ARHGAP8: variants seen among roughly 807,000 people sequenced by gnomAD.
The protein encoded by ARHGAP8 is Rho GTPase activating protein 8.
Under a neutral mutation model 46.1 loss-of-function variants are expected in ARHGAP8, and 62 were observed. The ratio of observed to expected loss-of-function variants is 1.34; its 90% CI spans 1.10 to 1.66. The LOEUF (loss-of-function observed/expected upper bound fraction) is 1.66. ARHGAP8 is among the 40% of genes most tolerant of loss of function. The pLI is 0.00. For missense variants in ARHGAP8, 923 were observed against 568.4 expected (o/e 1.62, Z -6.34); for synonymous variants, 375 against 243.1 (o/e 1.54, Z -5.05).
At position 44,827,336 on chromosome 22, in the gene ARHGAP8, G is replaced by GTTTTTTTTTTTTTTTTTTT. The variant is rs796490147; in HGVS notation, c.596+1751_596+1769dup. 1.2e-3 allele frequency among the ~76,000 whole-genome samples: 80 copies of GTTTTTTTTTTTTTTTTTTT among 67,266 alleles called. 17 individuals are homozygous for GTTTTTTTTTTTTTTTTTTT. The highest frequency in any genetic ancestry group is 1.5e-3 in the Non-Finnish European group (59 of 38,954). The allele number at this position is 67,266 out of a possible 152,430, so 44.1% of individuals were successfully genotyped here. A position where few individuals can be genotyped will look rare whatever the true frequency, so the allele number is the denominator to read the frequency against. The stretch of plus-strand genomic sequence containing the variant: ...GGTGAGATAATACATTTGGGTGGTG[G>GTTTTTTTTTTTTTTTTTTT]TTTTTTTTTTTTTTTTTTTTTTTTT... On this transcript the variant is annotated intron_variant, in intron 7 of 11. Transcript: ENST00000356099.
At chr22:44,823,452 G>C (rs1162835018) in intron 6 of ARHGAP8, among the ~76,000 whole-genome samples, 1 of 152,148 alleles carries the variant, frequency 6.6e-6, no homozygotes, top group Non-Finnish European at 1.5e-5. Context: ...TGGGAGATCT[G>C]GAGGCAGTGA....
chr22:44,831,287 T>C (rs4823390), intron 7 of ARHGAP8, among the ~76,000 whole-genome samples: 30,592 of 152,178 alleles, frequency 0.2, 4,183 homozygotes, highest in East Asian at 0.73. Flanking sequence ...CCAAGAGTTT[T>C]ACCACTTAGG....
chr22:44,840,702 C>T (rs528889889), intron 7 of ARHGAP8, among the ~76,000 whole-genome samples: 1 of 152,286 alleles, frequency 6.6e-6, no homozygotes, highest in African/African-American at 2.4e-5. Context: ...TGATTTTTGT[C>T]AGTGCCGTTG....
chr22:44,852,004 A>G (rs2070106293), intron 10 of ARHGAP8, among the ~76,000 whole-genome samples: 2 of 151,984 alleles, frequency 1.3e-5, no homozygotes, highest in Non-Finnish European at 1.5e-5. Context: ...CAGCCTGGCC[A>G]ACATGGTGAA....
chr22:44,846,301 C>T (rs1441237948), intron 8 of ARHGAP8, among the ~76,000 whole-genome samples: 2 of 152,244 alleles, frequency 1.3e-5, no homozygotes, highest in Non-Finnish European at 2.9e-5. Context: ...TTGATTTCCT[C>T]TTTGGAGCAG....
intron 4 of ARHGAP8, among the ~76,000 whole-genome samples, chr22:44,811,008 C>A (rs544191315): frequency 6.6e-6 from 1 of 152,188 alleles, no homozygotes; most frequent in South Asian, 2.1e-4. Context: ...CTCTGCACTT[C>A]CCCACGTGAG....
chr22:44,815,349 A>G (rs933537612), intron 5 of ARHGAP8, among the ~76,000 whole-genome samples: 10 of 151,982 alleles, frequency 6.6e-5, no homozygotes, highest in African/African-American at 2.2e-4. Context: ...CACCCGGCTG[A>G]CCTCAGCCAC....
rs1382349733 is a variant in ARHGAP8 at position 44,825,485 on chromosome 22, A to AC, written c.489dup (p.Asp164ArgfsTer2). The AC allele has an allele frequency of 6.2e-7, 1 of 1,612,778 alleles. No individual in the cohort carries two copies. Among genetic ancestry groups the AC allele is most frequent in the Non-Finnish European group, 8.5e-7 (1 of 1,179,572 alleles). Reference sequence around the variant, plus strand: ...CCCAGCCTCTGTTGTGTCTACAGGTACGATGAGAAGCTCCAGAGCCTGCAC... The same window carrying AC: ...CCCAGCCTCTGTTGTGTCTACAGGTACCGATGAGAAGCTCCAGAGCCTGCAC... On this transcript the variant is annotated frameshift_variant, in exon 7 of 12. Transcript: ENST00000356099. LOFTEE classifies it high-confidence loss of function.
At chr22:44,836,087 T>C (rs1236083264) in intron 7 of ARHGAP8, among the ~76,000 whole-genome samples, 1 of 152,158 alleles carries the variant, frequency 6.6e-6, no homozygotes, top group Non-Finnish European at 1.5e-5. Context: ...CAGTTTCTCA[T>C]TCCCCATCTG....
At chr22:44,787,021 C>A (rs1405625920) in intron 2 of ARHGAP8, among the ~76,000 whole-genome samples, 3 of 100,940 alleles carry the variant, frequency 3.0e-5, no homozygotes, top group African/African-American at 4.1e-5. Flanking sequence ...AGTGGTGAGA[C>A]CCTGTCTCAA....
chr22:44,797,162 C>T (rs575963206), intron 2 of ARHGAP8, among the ~76,000 whole-genome samples: 221 of 151,680 alleles, frequency 1.5e-3, no homozygotes, highest in African/African-American at 5.1e-3. Context: ...AATTATCTGG[C>T]ACATCCCCCA....
chr22:44,862,767 T>TG lies in ARHGAP8; in HGVS notation c.*174dup. The TG allele has an allele frequency of 1.3e-6, 1 of 796,178 alleles. No homozygotes were observed. The highest frequency in any genetic ancestry group is 1.9e-6 in the Non-Finnish European group (1 of 533,116). The allele number at this position is 796,178 out of a possible 1,614,324, so 49.3% of individuals were successfully genotyped here. A position where few individuals can be genotyped will look rare whatever the true frequency, so the allele number is the denominator to read the frequency against. ...ACTCTTGTCCATGGTTCCTGAGCTG[T>TG]GGACCGGGATAGAATAATGCATTTG... On this transcript the variant is annotated 3_prime_UTR_variant, in exon 12 of 12. Coordinates refer to ENST00000356099, the MANE Select transcript of ARHGAP8 (RefSeq NM_181335.3).
chr22:44,861,547 C>T (rs1439819564), intron 11 of ARHGAP8, among the ~76,000 whole-genome samples: 2 of 152,202 alleles, frequency 1.3e-5, no homozygotes, highest in Non-Finnish European at 2.9e-5. Context: ...CTGGCCCTGC[C>T]TCCCTCCAGT....
rs150225391 is a variant in ARHGAP8, at chr22:44,862,281, C to T, written c.988C>T (p.Arg330Trp). ...YLMGFLHAVS[R>W]ESIFNKMNSS... ...TGTGTGTGGTTTCCTCCAGGTGTCC[C>T]GGGAGAGCATCTTCAACAAAATGAA... Residue 330 changes from arginine (R) to tryptophan (W), a missense_variant, in exon 12 of 12, where the codon CGG (arginine) becomes TGG (tryptophan). Coordinates refer to ENST00000356099, the MANE Select transcript of ARHGAP8 (RefSeq NM_181335.3). 1.7e-4 allele frequency: 270 copies of T among 1,591,026 alleles called. No individual in the cohort carries two copies. Among genetic ancestry groups the T allele is most frequent in the Non-Finnish European group, 2.2e-4 (258 of 1,163,568 alleles).
chr22:44,794,955 C>G (rs896801128), intron 2 of ARHGAP8, among the ~76,000 whole-genome samples: 3 of 145,788 alleles, frequency 2.1e-5, no homozygotes, highest in South Asian at 2.2e-4. Context: ...AAGGGAGGAT[C>G]GTTTGAGCCC....
intron 11 of ARHGAP8, 126 bp from the exon 12 acceptor site, chr22:44,862,149 G>T (rs1185257793): frequency 4.2e-6 from 5 of 1,178,524 alleles, no homozygotes; most frequent in Non-Finnish European, 5.7e-6. Flanking sequence ...CCCATTACTG[G>T]CTGCCGGCTC....
intron 5 of ARHGAP8, among the ~76,000 whole-genome samples, chr22:44,816,252 G>A (rs1929734287): frequency 6.6e-6 from 1 of 152,162 alleles, no homozygotes; most frequent in South Asian, 2.1e-4. Flanking sequence ...TGTACAGGGA[G>A]CACTCAGACA....
intron 3 of ARHGAP8, among the ~76,000 whole-genome samples, chr22:44,802,918 G>A (rs1928656199): frequency 6.6e-6 from 1 of 152,172 alleles, no homozygotes; most frequent in Non-Finnish European, 1.5e-5. Context: ...TCCGAATAAG[G>A]TCACACTCTG....
intron 10 of ARHGAP8, among the ~76,000 whole-genome samples, chr22:44,858,478 C>T (rs1464020057): frequency 3.4e-5 from 5 of 149,142 alleles, no homozygotes; most frequent in Non-Finnish European, 7.4e-5. Context: ...AGCAATTCTC[C>T]AGCTTCAGCC....
Sources: gnomAD v4.1 joint callset for allele counts (sites outside exome capture counted in the v4.1 genomes callset) on GRCh38, gnomAD v4.1.1 for gene constraint, MANE v1.5 for transcripts, NCBI Gene and HGNC (gene_info 2026-07-23, HGNC 2026-07-21) for gene names.